CERT1: variants seen among roughly 807,000 people sequenced by gnomAD.
The protein encoded by CERT1 is ceramide transporter 1, also known as ceramide transfer protein.
CERT1 carries 31 observed loss-of-function variants against 87.9 expected under a neutral mutation model. The ratio of observed to expected loss-of-function variants is 0.35; its 90% CI spans 0.27 to 0.48. The LOEUF (loss-of-function observed/expected upper bound fraction) is 0.48. Ranked by LOEUF, CERT1 falls within the 20% of genes least tolerant of loss-of-function variation. The pLI, the probability that CERT1 is intolerant of heterozygous loss-of-function variation, is 0.99. For missense variants in CERT1, 487 were observed against 758.0 expected, an observed-to-expected ratio of 0.64 and a Z score of 4.20; for synonymous variants, 289 against 250.9, an observed-to-expected ratio of 1.15 and a Z score of -1.44.
intron 8 of CERT1, among the ~76,000 whole-genome samples, chr5:75,405,133 T>A (rs1266998235): frequency 6.6e-6 from 1 of 152,194 alleles, no homozygotes; most frequent in Non-Finnish European, 1.5e-5. Context: ...TTTTCTTTAT[T>A]AAAAGGGACT....
In CERT1 at chr5:75,505,834, T is replaced by C. The variant is rs1580870030; in HGVS notation, c.231+148A>G. The stretch of plus-strand genomic sequence containing the variant: ...GTAGTAAAAACCACAGTAAAATCAC[T>C]TTATGGAAAAAAGTATTAGAATGTA... On this transcript the variant is annotated intron_variant, in intron 2 of 16. Coordinates refer to ENST00000643780, the MANE Select transcript of CERT1 (RefSeq NM_001379029.1). 15 of 534,684 alleles carry C rather than the reference T, an allele frequency of 2.8e-5. No homozygotes were observed. In the East Asian group the frequency reaches 4.9e-4, roughly 18 times the overall value. The allele number at this position is 534,684 out of a possible 1,614,324, so 33.1% of individuals were successfully genotyped here. A position where few individuals can be genotyped will look rare whatever the true frequency, so the allele number is the denominator to read the frequency against.
chr5:75,385,820 T>C, intron 13 of CERT1, 82 bp downstream of exon 13: 2 of 1,067,802 alleles, frequency 1.9e-6, no homozygotes, highest in Non-Finnish European at 2.5e-6. Context: ...TTGTAAACTA[T>C]GTAGGAGATG....
intron 7 of CERT1, among the ~76,000 whole-genome samples, chr5:75,412,502 A>ACT (rs1762970894): frequency 6.6e-6 from 1 of 152,236 alleles, no homozygotes; most frequent in Non-Finnish European, 1.5e-5. Context: ...GTCACATGTT[A>ACT]GTTCACCATG....
chr5:75,444,654 C>T (rs990234931), intron 3 of CERT1, among the ~76,000 whole-genome samples: 16 of 148,970 alleles, frequency 1.1e-4, no homozygotes, highest in African/African-American at 3.2e-4. Context: ...TCAAGAGATT[C>T]TCCTATCTCA....
intron 3 of CERT1, among the ~76,000 whole-genome samples, chr5:75,427,581 T>A (rs1007174286): frequency 2.0e-5 from 3 of 151,354 alleles, no homozygotes; most frequent in African/African-American, 7.3e-5. Flanking sequence ...CCAGCCTGGG[T>A]GACACAGTAA....
At chr5:75,443,605 G>A (rs2112253235) in intron 3 of CERT1, among the ~76,000 whole-genome samples, 1 of 152,280 alleles carries the variant, frequency 6.6e-6, no homozygotes, top group Non-Finnish European at 1.5e-5. Context: ...ATCTAACCTA[G>A]AAAATGTCCC....
At chr5:75,475,785 C>T (rs922916631) in intron 2 of CERT1, among the ~76,000 whole-genome samples, 9 of 151,890 alleles carry the variant, frequency 5.9e-5, no homozygotes, top group African/African-American at 2.2e-4. Context: ...TACTTTCCAG[C>T]CTATCAGAGG....
intron 3 of CERT1, among the ~76,000 whole-genome samples, chr5:75,427,570 T>C (rs750737289): frequency 2.0e-4 from 31 of 152,004 alleles, no homozygotes; most frequent in Non-Finnish European, 1.8e-4. Context: ...CTGCACTCAC[T>C]CCAGCCTGGG....
chr5:75,405,031 C>G (rs752669789), intron 8 of CERT1, among the ~76,000 whole-genome samples: 4 of 152,014 alleles, frequency 2.6e-5, no homozygotes, highest in Non-Finnish European at 5.9e-5. Flanking sequence ...ACAACAACAA[C>G]AACAACAACA....
chr5:75,400,322 T>C (rs1483767649), intron 9 of CERT1, 25 bp from the exon 10 acceptor site: 2 of 1,527,016 alleles, frequency 1.3e-6, no homozygotes, highest in Admixed American at 1.7e-5. Context: ...AATATTAAGA[T>C]GGGAAGGTTT....
At chr5:75,470,516 C>T (rs547425997) in intron 2 of CERT1, among the ~76,000 whole-genome samples, 1 of 152,172 alleles carries the variant, frequency 6.6e-6, no homozygotes, top group South Asian at 2.1e-4. Flanking sequence ...AATTGATGGA[C>T]AAAAACCCTA....
chr5:75,428,331 A>G (rs1156931159), intron 3 of CERT1, among the ~76,000 whole-genome samples: 5 of 152,186 alleles, frequency 3.3e-5, no homozygotes, highest in Non-Finnish European at 4.4e-5. Context: ...AATTTGCAAT[A>G]AAATGGAAGC....
intron 2 of CERT1, among the ~76,000 whole-genome samples, chr5:75,465,218 T>C (rs1190491323): frequency 6.6e-6 from 1 of 152,200 alleles, no homozygotes; most frequent in East Asian, 1.9e-4. Flanking sequence ...GTTCTACCAG[T>C]CAGAAAAATG....
intron 2 of CERT1, among the ~76,000 whole-genome samples, chr5:75,472,325 T>C (rs1037795687): frequency 1.3e-5 from 2 of 152,188 alleles, no homozygotes; most frequent in Non-Finnish European, 2.9e-5. Flanking sequence ...ATGAAACTAG[T>C]AGAAGAAAGC....
At chr5:75,444,773 TTGACCTCG>T (rs1411676081) in intron 3 of CERT1, among the ~76,000 whole-genome samples, 1 of 151,888 alleles carries the variant, frequency 6.6e-6, no homozygotes, top group Non-Finnish European at 1.5e-5. Flanking sequence ...TCTTGATCTC[TTGACCTCG>T]TGATCTGCCC....
rs149540746 is a variant in CERT1, at chr5:75,470,573, T to C, written c.232-11392A>G. Among the ~76,000 whole-genome samples the C allele has an allele frequency of 8.4e-3, 1,281 of 152,298 alleles. 9 individuals are homozygous for C. The highest frequency in any genetic ancestry group is 0.022 in the South Asian group (108 of 4,834). On this transcript the variant is annotated intron_variant, in intron 2 of 16. Transcript: ENST00000643780. ...GCACTGGACAAAATTCAACATCCTTTCATAAAAACACTCAACAAATTAGTT... is the reference window on the plus strand; with the variant it reads ...GCACTGGACAAAATTCAACATCCTTCCATAAAAACACTCAACAAATTAGTT...
intron 3 of CERT1, among the ~76,000 whole-genome samples, chr5:75,456,486 T>C (rs759705190): frequency 4.9e-4 from 74 of 151,788 alleles, no homozygotes; most frequent in Non-Finnish European, 2.2e-4. Flanking sequence ...CTGGGCAACA[T>C]GGCGAAACCG....
chr5:75,472,119 C>T (rs1258374071), intron 2 of CERT1, among the ~76,000 whole-genome samples: 2 of 152,082 alleles, frequency 1.3e-5, no homozygotes, highest in Non-Finnish European at 2.9e-5. Flanking sequence ...AGAAATAAAT[C>T]CATGCATTTA....
Position 75,511,626 on chromosome 5 carries a change from A to G in CERT1, c.-419T>C. On this transcript the variant is annotated 5_prime_UTR_variant, in exon 1 of 17. Transcript: ENST00000643780. ...CCGCCATCTTCCTGCCTGGCCCACT[A>G]TTTACCCTCCCCTCCCCTGTCCTTT... is the stretch of plus-strand genomic sequence containing the variant. 6.7e-7 allele frequency: 1 copy of G among 1,481,824 alleles called. No individual in the cohort carries two copies. Among genetic ancestry groups the G allele is most frequent in the Non-Finnish European group, 9.0e-7 (1 of 1,113,978 alleles). 91.8% of individuals were successfully genotyped at this position (1,481,824 alleles called of 1,614,324 possible).
Sources: gnomAD v4.1 joint callset for allele counts (sites outside exome capture counted in the v4.1 genomes callset) on GRCh38, gnomAD v4.1.1 for gene constraint, MANE v1.5 for transcripts, NCBI Gene and HGNC (gene_info 2026-07-23, HGNC 2026-07-21) for gene names.